Variants in TNIP1 observed in about 807,000 individuals in gnomAD.
TNIP1 encodes TNFAIP3 interacting protein 1, also known as TNFAIP3-interacting protein 1.
A neutral mutation model predicts 86.6 loss-of-function variants in TNIP1; 22 were observed. The ratio of observed to expected loss-of-function variants is 0.25; its 90% confidence interval spans 0.18 to 0.36. The LOEUF (loss-of-function observed/expected upper bound fraction) is 0.36. TNIP1 is among the 10% of genes least tolerant of loss of function. TNIP1 has a pLI of 1.00. For missense variants in TNIP1, 709 were observed against 820.6 expected, an observed-to-expected ratio of 0.86 and a Z score of 1.66; for synonymous variants, 294 against 313.0, an observed-to-expected ratio of 0.94 and a Z score of 0.64.
intron 5 of TNIP1, among the ~76,000 whole-genome samples, chr5:151,059,871 G>A (rs1018540167): frequency 1.7e-4 from 9 of 51,832 alleles, no homozygotes; most frequent in African/African-American, 7.6e-4. Context: ...GTGTGTGCGC[G>A]CGCGCGCGCG....
intron 11 of TNIP1, among the ~76,000 whole-genome samples, 196 bp from the exon 12 acceptor site, chr5:151,039,421 A>G (rs769088697): frequency 5.9e-5 from 9 of 152,192 alleles, no homozygotes; most frequent in Non-Finnish European, 1.3e-4. Flanking sequence ...ATTTAAAATA[A>G]TAATTAAAAA....
At chr5:151,036,970 G>C (rs747840985) in intron 12 of TNIP1, 49 bp from the exon 13 acceptor site, 3 of 1,538,632 alleles carry the variant, frequency 1.9e-6, no homozygotes, top group South Asian at 2.5e-5. Context: ...CTGGAAATCA[G>C]GGCCCTTTGG....
At chr5:151,044,509 T>C (rs1380297838) in intron 9 of TNIP1, among the ~76,000 whole-genome samples, 7 of 152,194 alleles carry the variant, frequency 4.6e-5, no homozygotes, top group Admixed American at 4.6e-4. Context: ...GTGGTATTCT[T>C]GATCTTTTTG....
intron 8 of TNIP1, among the ~76,000 whole-genome samples, chr5:151,046,787 G>A (rs568720663): frequency 6.6e-6 from 1 of 152,290 alleles, no homozygotes; most frequent in African/African-American, 2.4e-5. Flanking sequence ...CATCACAATA[G>A]TATTGGATTA....
rs530709201 is a variant in TNIP1, at chr5:151,060,307, C to T, written c.435+11G>A. 287 of 1,613,916 alleles carry T rather than the reference C, an allele frequency of 1.8e-4. 5 individuals are homozygous for T. The South Asian group carries it at 3.0e-3, about 17-fold the overall frequency. On this transcript the variant is annotated intron_variant, in intron 5 of 17. Coordinates refer to ENST00000521591, the MANE Select transcript of TNIP1 (RefSeq NM_006058.5). The stretch of plus-strand genomic sequence containing the variant: ...AGCAGGTCAAGCCCGGGGTCCTGCC[C>T]GTCCACTCACCATCGCATTGGCATG...
rs759949135 is a variant in TNIP1 at position 151,036,902 on chromosome 5, C to T, written c.1283G>A (p.Ser428Asn). 1.9e-6 allele frequency: 3 copies of T among 1,610,016 alleles called. No homozygotes were observed. The highest frequency in any genetic ancestry group is 1.7e-5 in the Admixed American group (1 of 59,540). Reference protein sequence around the residue: ...RLNKALEEALSIQTPPSSPPT... With the variant: ...RLNKALEEALNIQTPPSSPPT... ...TGGAGATGATGGCGGGGTTTGGATG[C>T]TCAGTGCTTCCTCCAGGGCCTGGAA... Residue 428 changes from serine (S) to asparagine (N), a missense_variant, in exon 13 of 18, where the codon AGC (serine) becomes AAC (asparagine). Physicochemically the swap from Ser to Asn is conservative, Grantham distance 46. Coordinates refer to ENST00000521591, the MANE Select transcript of TNIP1 (RefSeq NM_006058.5).
Position 151,036,926 on chromosome 5 carries a change from A to C in TNIP1, c.1264-5T>G. ...GCTCAGTGCTTCCTCCAGGGCCTGGAATCAGGAAAAGATGGGACCATCAGC... is the reference window on the plus strand; with the variant it reads ...GCTCAGTGCTTCCTCCAGGGCCTGGCATCAGGAAAAGATGGGACCATCAGC... On this transcript the variant is annotated splice_polypyrimidine_tract_variant and splice_region_variant and intron_variant, in intron 12 of 17. Coordinates refer to ENST00000521591, the MANE Select transcript of TNIP1 (RefSeq NM_006058.5). The C allele has an allele frequency of 6.3e-7, 1 of 1,595,758 alleles. No homozygotes were observed. Among genetic ancestry groups the C allele is most frequent in the Non-Finnish European group, 8.5e-7 (1 of 1,170,476 alleles).
upstream of TNIP1, among the ~76,000 whole-genome samples, chr5:151,081,626 A>T (rs1485490421): frequency 6.6e-6 from 1 of 152,236 alleles, no homozygotes; most frequent in Non-Finnish European, 1.5e-5. Context: ...GACATTGTAG[A>T]TGCTTTGCGT....
intron 12 of TNIP1, chr5:151,037,134 T>C (rs940959078): frequency 9.9e-6 from 5 of 506,656 alleles, no homozygotes; most frequent in African/African-American, 8.2e-5. Context: ...GAAAAGACTA[T>C]GATCATCATC....
intron 9 of TNIP1, among the ~76,000 whole-genome samples, chr5:151,045,550 AT>A (rs1259641773): frequency 1.3e-5 from 2 of 152,176 alleles, no homozygotes; most frequent in African/African-American, 4.8e-5. Flanking sequence ...TGCCTAACTT[AT>A]CACAACCTCT....
intron 4 of TNIP1, 60 bp downstream of exon 4, chr5:151,062,067 G>A: frequency 6.9e-7 from 1 of 1,445,980 alleles, no homozygotes; most frequent in South Asian, 1.2e-5. Context: ...TCTTGTATCT[G>A]TCAGTAGGAC....
In TNIP1 at chr5:151,039,205, T is replaced by C; in HGVS notation, c.1155A>G (p.Thr385=). 6.2e-7 allele frequency: 1 copy of C among 1,613,354 alleles called. No individual in the cohort carries two copies. Among genetic ancestry groups the C allele is most frequent in the Non-Finnish European group, 8.5e-7 (1 of 1,179,882 alleles). The change falls in exon 12 of 18, where the codon ACA becomes ACG. Residue 385 remains threonine (T), a synonymous_variant. Transcript: ENST00000521591. ...TTTGGCGCAGCTCCTTGGCCTCTGCTGTCAGCTGCTCCTTGTCGGTCTGCA... is the reference window on the plus strand; with the variant it reads ...TTTGGCGCAGCTCCTTGGCCTCTGCCGTCAGCTGCTCCTTGTCGGTCTGCA... ...EMEETDKEQL[T]AEAKELRQKV...
chr5:151,065,183 C>A, intron 1 of TNIP1, 52 bp from the exon 2 acceptor site: 10 of 1,501,492 alleles, frequency 6.7e-6, no homozygotes, highest in Non-Finnish European at 9.0e-6. Flanking sequence ...ATGGGGGCAT[C>A]CTTTGCAGAG....
intron 15 of TNIP1, chr5:151,034,695 AG>A (rs1757470323): frequency 4.9e-6 from 2 of 408,796 alleles, no homozygotes; most frequent in South Asian, 4.3e-5. Flanking sequence ...ATGGGCACGG[AG>A]GGCTGGAACA....
chr5:151,057,632 A>T (rs1760842417), intron 5 of TNIP1, among the ~76,000 whole-genome samples: 1 of 152,100 alleles, frequency 6.6e-6, no homozygotes, highest in Admixed American at 6.5e-5. Flanking sequence ...CAGGAGAACT[A>T]TTTGAACCAG....
intron 1 of TNIP1, among the ~76,000 whole-genome samples, chr5:151,079,885 T>C (rs1005028031): frequency 6.6e-6 from 1 of 152,136 alleles, no homozygotes; most frequent in Admixed American, 6.5e-5. Context: ...CACACCCCAT[T>C]GTTTGGAAAA....
At chr5:151,045,526 G>A (rs1296269378) in intron 9 of TNIP1, among the ~76,000 whole-genome samples, 1 of 152,192 alleles carries the variant, frequency 6.6e-6, no homozygotes, top group Non-Finnish European at 1.5e-5. Context: ...CTCCTCATCG[G>A]TGATGCTAAA....
upstream of TNIP1, among the ~76,000 whole-genome samples, chr5:151,083,551 A>G (rs1764162571): frequency 6.6e-6 from 1 of 152,242 alleles, no homozygotes; most frequent in African/African-American, 2.4e-5. Context: ...CTGGGAGCTG[A>G]GTGACTCAGG....
At chr5:151,070,557 A>G (rs376426356) in intron 1 of TNIP1, among the ~76,000 whole-genome samples, 1 of 152,356 alleles carries the variant, frequency 6.6e-6, no homozygotes, top group South Asian at 2.1e-4. Flanking sequence ...ACATGTAGCT[A>G]TAAGAAGCCC....
Sources: allele counts gnomAD v4.1 joint callset (sites outside exome capture counted in the v4.1 genomes callset), GRCh38; gene constraint gnomAD v4.1.1; transcripts MANE v1.5; gene names NCBI Gene and HGNC (gene_info 2026-07-23, HGNC 2026-07-21).